The following HIGD1C variants were observed in gnomAD, a reference collection of about 807,000 sequenced individuals.
The protein encoded by HIGD1C is HIG1 hypoxia inducible domain family member 1C.
In HIGD1C, 11 loss-of-function variants were observed where a neutral mutation model predicts 13.1. The ratio of observed to expected loss-of-function variants is 0.84; its 90% confidence interval spans 0.53 to 1.39. HIGD1C has a LOEUF of 1.39. Ranked by LOEUF, HIGD1C falls within the 40% of genes most tolerant of loss-of-function variation. The pLI, the probability that HIGD1C is intolerant of heterozygous loss-of-function variation, is 0.00. For synonymous variants in HIGD1C, 36 were observed against 37.7 expected, an observed-to-expected ratio of 0.95 and a Z score of 0.17; for missense variants, 110 against 112.0, an observed-to-expected ratio of 0.98 and a Z score of 0.08.
At chr12:50,960,899 C>CACACATCAGTGTG in intron 1 of HIGD1C, 69 bp from the exon 4 acceptor site, 1 of 1,366,192 alleles carries the variant, frequency 7.3e-7, no homozygotes, top group Middle Eastern at 1.9e-4. Flanking sequence ...AGGCTGTTTT[C>CACACATCAGTGTG]AAACTCCTGG....
chr12:50,961,974 GTACCAGA>G (rs1939346657), intron 2 of HIGD1C, among the ~76,000 whole-genome samples: 1 of 152,178 alleles, frequency 6.6e-6, no homozygotes, highest in South Asian at 2.1e-4. Flanking sequence ...TGCCTGCTAT[GTACCAGA>G]CACTGTTTAG....
rs142454574 is a variant in HIGD1C at position 50,960,925 on chromosome 12, C to T, written c.95-43C>T. 1,441 of 1,514,222 alleles carry T rather than the reference C, an allele frequency of 9.5e-4. 7 individuals carry two copies. In the African/African-American group the frequency reaches 0.018, roughly 19 times the overall value. The allele number at this position is 1,514,222 out of a possible 1,614,324, so 93.8% of individuals were successfully genotyped here. On this transcript the variant is annotated intron_variant, in intron 1 of 2. Transcript: ENST00000398455. ...AAACTCCTGGTCTCACACGATGCTC[C>T]TGCCTCAGCCTTCCAAATAACCCAT...
chr12:50,962,184 G>A (rs1027071516), intron 2 of HIGD1C, among the ~76,000 whole-genome samples: 3 of 151,964 alleles, frequency 2.0e-5, no homozygotes, highest in African/African-American at 7.3e-5. Context: ...TAAGGAGTTC[G>A]ATACCAGCCT....
At chr12:50,939,400 G>A in the HIGD1C span, among the ~76,000 whole-genome samples, 1 of 152,082 alleles carries the variant, frequency 6.6e-6, no homozygotes, top group African/African-American at 2.4e-5. Context: ...TGCCTACCTC[G>A]GCCTCCCTAA....
chr12:50,970,327 C>G, intron 2 of HIGD1C, 115 bp from the exon 5 acceptor site: 1 of 690,966 alleles, frequency 1.4e-6, no homozygotes, highest in Admixed American at 2.8e-5. Context: ...GAAGGAGGGC[C>G]TTTGTTTGTT....
chr12:50,945,747 A>G, the HIGD1C span, among the ~76,000 whole-genome samples: 1 of 152,214 alleles, frequency 6.6e-6, no homozygotes, highest in African/African-American at 2.4e-5. Flanking sequence ...GTTCATATGG[A>G]ACCATAAAAG....
chr12:50,938,616 C>T, the HIGD1C span, among the ~76,000 whole-genome samples: 1 of 152,188 alleles, frequency 6.6e-6, no homozygotes, highest in African/African-American at 2.4e-5. Flanking sequence ...CTGTAGCTGG[C>T]ATCCTTGTAG....
At chr12:50,939,918 T>C in the HIGD1C span, 2 of 152,022 alleles carry the variant, frequency 1.3e-5, no homozygotes, top group South Asian at 2.1e-4. Context: ...CTGGATTTTT[T>C]TTTTTTTTTT....
intron 2 of HIGD1C, among the ~76,000 whole-genome samples, chr12:50,962,967 T>A (rs1939395869): frequency 1.3e-5 from 2 of 152,134 alleles, no homozygotes; most frequent in African/African-American, 4.8e-5. Flanking sequence ...CTAGTAGTAA[T>A]GTTTAATGAG....
the HIGD1C span, among the ~76,000 whole-genome samples, chr12:50,933,989 C>A: frequency 6.6e-6 from 1 of 152,226 alleles, no homozygotes. Flanking sequence ...ACCAAGCCCC[C>A]AGCTCTGGGA....
upstream of HIGD1C, among the ~76,000 whole-genome samples, chr12:50,952,293 A>C (rs1261363037): frequency 2.0e-5 from 3 of 152,180 alleles, no homozygotes; most frequent in Admixed American, 6.6e-5. Context: ...TTAAAGAAAG[A>C]AACATGTTAA....
At chr12:50,951,934 A>AAG (rs1938911702), upstream of HIGD1C, among the ~76,000 whole-genome samples, 1 of 151,560 alleles carries the variant, frequency 6.6e-6, no homozygotes. Flanking sequence ...AAAAAAAAAA[A>AAG]AAAGAAAAAA....
chr12:50,953,273 T>TA (rs1938965174), upstream of HIGD1C, among the ~76,000 whole-genome samples: 1 of 152,236 alleles, frequency 6.6e-6, no homozygotes. Flanking sequence ...TTGTGCTTCT[T>TA]ACGCTTAAGT....
intron 2 of HIGD1C, 25 bp from the exon 5 acceptor site, chr12:50,970,417 T>C (rs375027585): frequency 8.2e-5 from 98 of 1,199,704 alleles, no homozygotes; most frequent in Non-Finnish European, 1.1e-4. Context: ...GGATACTCAA[T>C]TGATATACAT....
intron 2 of HIGD1C, among the ~76,000 whole-genome samples, chr12:50,964,194 G>A (rs1163214733): frequency 6.6e-6 from 1 of 152,168 alleles, no homozygotes; most frequent in Non-Finnish European, 1.5e-5. Context: ...ATCAAAATAA[G>A]GAAGAAACAC....
At chr12:50,960,608 T>C (rs1425938645) in intron 1 of HIGD1C, among the ~76,000 whole-genome samples, 1 of 152,184 alleles carries the variant, frequency 6.6e-6, no homozygotes, top group Non-Finnish European at 1.5e-5. Context: ...ATCTTTCAGG[T>C]TCTTATCCTG....
At chr12:50,951,471 G>A (rs1268970659), upstream of HIGD1C, among the ~76,000 whole-genome samples, 2 of 152,142 alleles carry the variant, frequency 1.3e-5, no homozygotes, top group African/African-American at 4.8e-5. Flanking sequence ...AACTTTCTGT[G>A]TCTCCTGATA....
chr12:50,948,542 T>C, the HIGD1C span, among the ~76,000 whole-genome samples: 1 of 151,850 alleles, frequency 6.6e-6, no homozygotes, highest in Admixed American at 6.6e-5. Flanking sequence ...CAATTCCACT[T>C]CTGGGAATTT....
At chr12:50,969,728 G>A (rs11169642) in intron 2 of HIGD1C, among the ~76,000 whole-genome samples, 22,799 of 150,954 alleles carry the variant, frequency 0.15, 1,920 homozygotes, top group South Asian at 0.26. Context: ...AAAACAAAAC[G>A]TCATACTTAC....
Sources: gnomAD v4.1 joint callset for allele counts (sites outside exome capture counted in the v4.1 genomes callset) on GRCh38, gnomAD v4.1.1 for gene constraint, MANE v1.5 for transcripts, NCBI Gene and HGNC (gene_info 2026-07-23, HGNC 2026-07-21) for gene names.